Variants in TAF4B observed in about 807,000 individuals in gnomAD.
The protein encoded by TAF4B is TATA-box binding protein associated factor 4b, also known as transcription initiation factor TFIID subunit 4B.
TAF4B carries 38 observed loss-of-function variants against 86.4 expected under a neutral mutation model. The ratio of observed to expected loss-of-function variants is 0.44; its 90% CI spans 0.34 to 0.58. The LOEUF (loss-of-function observed/expected upper bound fraction) is 0.58, where lower values mean the gene tolerates loss of function less well. Among genes scored for constraint, TAF4B ranks in the 20% least tolerant of loss-of-function variants. The pLI is 0.02. For synonymous variants in TAF4B, 388 were observed against 391.2 expected, an observed-to-expected ratio of 0.99 and a Z score of 0.10; for missense variants, 988 against 1,027.6, an observed-to-expected ratio of 0.96 and a Z score of 0.53.
intron 5 of TAF4B, among the ~76,000 whole-genome samples, chr18:26,277,004 T>G (rs1363086482): frequency 6.6e-6 from 1 of 152,204 alleles, no homozygotes; most frequent in Non-Finnish European, 1.5e-5. Context: ...TTTAAATTCC[T>G]AAAACTTGAG....
Position 26,286,273 on chromosome 18 carries a change from C to G in TAF4B, c.1364C>G (p.Pro455Arg), listed in dbSNP as rs941757208. The G allele has an allele frequency of 3.1e-6, 5 of 1,614,128 alleles. No individual in the cohort carries two copies. The African/African-American group carries it at 6.7e-5, about 22-fold the overall frequency. Residue 455 changes from proline to arginine, a missense_variant, in exon 7 of 15, where the codon CCA (proline) becomes CGA (arginine). Physicochemically the swap from Pro to Arg is moderately radical, Grantham distance 103 (BLOSUM62 -2). Around this residue, in one of 3 missense-constraint regions of TAF4B, gnomAD observed 747 missense variants for 737.9 expected, o/e 1.01. Coordinates refer to ENST00000269142, the MANE Select transcript of TAF4B (RefSeq NM_005640.3). ...ACGGTCTCACTGCAACCTGAAAAGC[C>G]AGTTGTCTCTGGAACAGCAGTAACA... ...VTTVSLQPEK[P>R]VVSGTAVTLS...
rs1598747286 is a variant in TAF4B at position 26,274,776 on chromosome 18, C to T, written c.711C>T (p.Pro237=). Residue 237 remains proline (P), a synonymous_variant, in exon 4 of 15, where the codon CCC becomes CCT. Coordinates refer to ENST00000269142, the MANE Select transcript of TAF4B (RefSeq NM_005640.3). ...LGASSTPSNE[P]NLKAENSAAV... ...CATCATCCACTCCTTCAAATGAGCC[C>T]AATCTTAAAGCAGAGAACTCAGCAG... is the stretch of plus-strand genomic sequence containing the variant. 1.2e-6 allele frequency: 2 copies of T among 1,614,200 alleles called. No homozygotes were observed. The highest frequency in any genetic ancestry group is 1.1e-5 in the South Asian group (1 of 91,086).
intron 7 of TAF4B, among the ~76,000 whole-genome samples, chr18:26,290,236 C>G (rs1206992678): frequency 6.6e-6 from 1 of 152,048 alleles, no homozygotes; most frequent in East Asian, 1.9e-4. Context: ...ATCTCCTGGG[C>G]TCAAGCAATC....
intron 5 of TAF4B, 105 bp downstream of exon 5, chr18:26,275,158 A>G: frequency 3.3e-6 from 4 of 1,230,370 alleles, no homozygotes; most frequent in Non-Finnish European, 4.2e-6. Context: ...TTATTTATTT[A>G]TTTAATTTAT....
At chr18:26,293,578 T>G in intron 9 of TAF4B, 47 bp downstream of exon 9, 1 of 1,283,104 alleles carries the variant, frequency 7.8e-7, no homozygotes, top group South Asian at 1.5e-5. Flanking sequence ...TAATTTTTTT[T>G]TAAAAAGGAG....
chr18:26,281,960 C>T lies in TAF4B; in HGVS notation c.883-11C>T. The T allele has an allele frequency of 1.3e-6, 2 of 1,596,064 alleles. No homozygotes were observed. The highest frequency in any genetic ancestry group is 1.1e-5 in the South Asian group (1 of 90,012). On this transcript the variant is annotated splice_polypyrimidine_tract_variant and intron_variant, in intron 5 of 14. Coordinates refer to ENST00000269142, the MANE Select transcript of TAF4B (RefSeq NM_005640.3). ...AGACTTAAAATTGTTTCTATTTCTC[C>T]CATCCCTCAGGATGCAAAAATCGAA...
chr18:26,339,438 A>C (rs1458006111), intron 13 of TAF4B, among the ~76,000 whole-genome samples: 1 of 152,084 alleles, frequency 6.6e-6, no homozygotes, highest in Non-Finnish European at 1.5e-5. Flanking sequence ...CGCTCCTCCT[A>C]CCTCACCCTA....
chr18:26,310,548 A>G (rs2056843589), intron 9 of TAF4B, among the ~76,000 whole-genome samples: 1 of 152,330 alleles, frequency 6.6e-6, no homozygotes, highest in Non-Finnish European at 1.5e-5. Context: ...TGCTTGAGAG[A>G]GGTGAAAAAA....
At chr18:26,284,826 G>A (rs541623380) in intron 6 of TAF4B, among the ~76,000 whole-genome samples, 2 of 152,234 alleles carry the variant, frequency 1.3e-5, no homozygotes, top group South Asian at 2.1e-4. Context: ...CCGAGATCAC[G>A]CCACTGCACT....
At chr18:26,276,578 T>G (rs771699108) in intron 5 of TAF4B, among the ~76,000 whole-genome samples, 19 of 152,244 alleles carry the variant, frequency 1.2e-4, no homozygotes, top group Non-Finnish European at 2.5e-4. Flanking sequence ...TACTACTGTT[T>G]TTAATGCTGC....
chr18:26,291,577 C>T (rs1023599097), intron 7 of TAF4B, among the ~76,000 whole-genome samples: 5 of 151,376 alleles, frequency 3.3e-5, no homozygotes, highest in African/African-American at 4.8e-5. Context: ...CCTGGTGGTG[C>T]GTGTCTGAAA....
chr18:26,355,167 T>G (rs906194029), intron 13 of TAF4B, among the ~76,000 whole-genome samples: 2 of 152,178 alleles, frequency 1.3e-5, no homozygotes, highest in African/African-American at 4.8e-5. Context: ...ATTTAAAAAT[T>G]TTAAGTTTCC....
chr18:26,361,845 T>A (rs914919048), intron 14 of TAF4B, among the ~76,000 whole-genome samples: 1 of 151,904 alleles, frequency 6.6e-6, no homozygotes, highest in Non-Finnish European at 1.5e-5. Context: ...ACAGGACAAC[T>A]CACTGCTCTT....
intron 1 of TAF4B, among the ~76,000 whole-genome samples, chr18:26,250,763 C>T (rs1217274997): frequency 6.6e-6 from 1 of 152,002 alleles, no homozygotes; most frequent in Non-Finnish European, 1.5e-5. Context: ...AAAAGACCAA[C>T]AAATATGGAA....
chr18:26,330,417 C>T (rs1435385575), intron 12 of TAF4B, among the ~76,000 whole-genome samples: 4 of 152,156 alleles, frequency 2.6e-5, no homozygotes, highest in African/African-American at 7.2e-5. Context: ...AGGCACAAGG[C>T]ACTCCAGGCC....
chr18:26,252,429 A>G (rs1412675928), intron 1 of TAF4B, among the ~76,000 whole-genome samples: 1 of 152,170 alleles, frequency 6.6e-6, no homozygotes, highest in Non-Finnish European at 1.5e-5. Flanking sequence ...TTTTCTATAT[A>G]TAGTAGTTCC....
At chr18:26,256,278 C>T (rs1369595759) in intron 1 of TAF4B, 11 of 1,481,128 alleles carry the variant, frequency 7.4e-6, no homozygotes, top group Middle Eastern at 2.4e-4. Context: ...GTCAGTGAAT[C>T]GAGAACTAGA....
At chr18:26,236,625 C>T (rs531801243) in intron 1 of TAF4B, among the ~76,000 whole-genome samples, 1 of 152,260 alleles carries the variant, frequency 6.6e-6, no homozygotes, top group East Asian at 1.9e-4. Context: ...TCCTTGCAAA[C>T]CACACTAATA....
chr18:26,387,941 A>G (rs1444721421), intron 14 of TAF4B, among the ~76,000 whole-genome samples: 1 of 152,180 alleles, frequency 6.6e-6, no homozygotes, highest in East Asian at 1.9e-4. Context: ...ACTGATTTTG[A>G]CCATGGTGTT....
Sources: allele counts gnomAD v4.1 joint callset (sites outside exome capture counted in the v4.1 genomes callset), GRCh38; gene constraint gnomAD v4.1.1; regional missense constraint gnomAD v4.1.1; transcripts MANE v1.5; gene names NCBI Gene and HGNC (gene_info 2026-07-23, HGNC 2026-07-21).